SIPA1L1: variants seen among roughly 807,000 people sequenced by gnomAD.
The protein encoded by SIPA1L1 is signal-induced proliferation-associated 1-like protein 1.
In SIPA1L1, 26 loss-of-function variants were observed where a neutral mutation model predicts 162.7. The ratio of observed to expected loss-of-function variants is 0.16; its 90% confidence interval spans 0.12 to 0.22. The LOEUF is 0.22. Among genes scored for constraint, SIPA1L1 ranks in the 10% least tolerant of loss-of-function variants. The probability of loss-of-function intolerance (pLI) is 1.00; values close to 1 mark genes in which losing one functional copy is unlikely to be tolerated. For missense variants in SIPA1L1, 1,874 were observed against 2,241.0 expected (o/e 0.84, Z 3.31); for synonymous variants, 829 against 837.4 (o/e 0.99, Z 0.17).
chr14:71,624,196 C>G lies in SIPA1L1; in HGVS notation c.1778C>G (p.Pro593Arg). Residue 593 changes from proline (P) to arginine (R), a missense_variant, in exon 7 of 24, where the codon CCC becomes CGC. Pro to Arg is a moderately radical substitution (Grantham distance 103). This residue lies in a region of SIPA1L1 where 685 missense variants were observed against 828.0 expected (regional missense o/e 0.83). Transcript: ENST00000381232. ...VQCLRLAFNT[P>R]KVTEQLMKLD... is the part of the protein sequence containing the mutation. ...TGCCTGCGGTTGGCCTTCAACACAC[C>G]CAAGGTCACAGAGCAGCTCATGAAA... 6.2e-7 allele frequency: 1 copy of G among 1,613,976 alleles called. No homozygotes were observed. Among genetic ancestry groups the G allele is most frequent in the Non-Finnish European group, 8.5e-7 (1 of 1,179,892 alleles).
intron 2 of SIPA1L1, among the ~76,000 whole-genome samples, chr14:71,461,437 A>G (rs1402225099): frequency 1.3e-5 from 2 of 152,146 alleles, no homozygotes; most frequent in Admixed American, 1.3e-4. Context: ...GAGGCTGAGT[A>G]GTATCCACAG....
intron 8 of SIPA1L1, among the ~76,000 whole-genome samples, chr14:71,650,735 A>AT (rs925952355): frequency 1.3e-5 from 2 of 152,190 alleles, no homozygotes; most frequent in African/African-American, 4.8e-5. Context: ...AGGTGTGTGC[A>AT]TGGAGTGGGG....
intron 13 of SIPA1L1, among the ~76,000 whole-genome samples, chr14:71,694,585 A>G (rs1372437996): frequency 6.6e-6 from 1 of 152,160 alleles, no homozygotes; most frequent in African/African-American, 2.4e-5. Flanking sequence ...TTATTTCTTG[A>G]CTAAATTTAT....
At chr14:71,326,234 A>T in intron 2 of SIPA1L1, among the ~76,000 whole-genome samples, 1 of 140,924 alleles carries the variant, frequency 7.1e-6, no homozygotes. Flanking sequence ...TTTGAGATGG[A>T]GTCTCGCTGT....
At position 71,591,673 on chromosome 14, in the gene SIPA1L1, AAT is replaced by A. The variant is rs577542768; in HGVS notation, c.1498+2306_1498+2307del. The stretch of plus-strand genomic sequence containing the variant: ...TTTTATTATCATTAACACATATAAG[AAT>A]ATGTTTGCCAAACTCTTGTGAGACC... On this transcript the variant is annotated intron_variant, in intron 5 of 23. Transcript: ENST00000381232. Among the ~76,000 whole-genome samples, 130 of 152,344 alleles carry A rather than the reference AAT, an allele frequency of 8.5e-4. 1 individual carries two copies. In the South Asian group the frequency reaches 8.7e-3, roughly 10 times the overall value.
rs551831081 is a variant in SIPA1L1 at position 71,627,278 on chromosome 14, C to G, written c.1818+3042C>G. 2.0e-5 allele frequency among the ~76,000 whole-genome samples: 3 copies of G among 151,086 alleles called. No homozygotes were observed. In the South Asian group the frequency reaches 6.3e-4, roughly 32 times the overall value. On this transcript the variant is annotated intron_variant, in intron 7 of 23. Coordinates refer to ENST00000381232, the MANE Select transcript of SIPA1L1 (RefSeq NM_001386936.1). ...GGCTCAAGCAGTTCTTCCACCTCAG[C>G]TGGGATTACTGGGATGCACCACCAC...
chr14:71,517,272 C>A (rs2051833074), intron 3 of SIPA1L1, among the ~76,000 whole-genome samples: 1 of 151,890 alleles, frequency 6.6e-6, no homozygotes, highest in South Asian at 2.1e-4. Context: ...TTAAGTGATA[C>A]TGGCCCAGTC....
chr14:71,341,328 G>C (rs2035628853), intron 2 of SIPA1L1, among the ~76,000 whole-genome samples: 1 of 152,160 alleles, frequency 6.6e-6, no homozygotes, highest in South Asian at 2.1e-4. Flanking sequence ...ATTTTTTGGG[G>C]TGAAATGCTT....
chr14:71,372,740 T>G (rs1254897447), intron 2 of SIPA1L1, among the ~76,000 whole-genome samples: 5 of 152,152 alleles, frequency 3.3e-5, no homozygotes. Context: ...CACTTACTTT[T>G]AAACACAGAA....
At chr14:71,651,877 T>A (rs1342573808) in intron 8 of SIPA1L1, among the ~76,000 whole-genome samples, 1 of 152,204 alleles carries the variant, frequency 6.6e-6, no homozygotes, top group East Asian at 1.9e-4. Context: ...GTTTGTCCAA[T>A]TATCCCAACA....
chr14:71,731,300 C>A (rs2084753324), intron 20 of SIPA1L1, among the ~76,000 whole-genome samples: 1 of 152,194 alleles, frequency 6.6e-6, no homozygotes, highest in Non-Finnish European at 1.5e-5. Context: ...CCCTGCTCGC[C>A]CCAAGGATCA....
At chr14:71,343,254 A>G (rs1288307673) in intron 2 of SIPA1L1, among the ~76,000 whole-genome samples, 2 of 152,212 alleles carry the variant, frequency 1.3e-5, no homozygotes, top group Non-Finnish European at 2.9e-5. Flanking sequence ...TCCACCCACC[A>G]TCAATCCACA....
chr14:71,546,509 G>C (rs1008770934), intron 4 of SIPA1L1, among the ~76,000 whole-genome samples: 2 of 150,680 alleles, frequency 1.3e-5, no homozygotes, highest in African/African-American at 2.4e-5. Context: ...AGCCTCCTAA[G>C]TAGCTGGGAT....
intron 2 of SIPA1L1, among the ~76,000 whole-genome samples, chr14:71,432,987 A>G (rs1313158198): frequency 6.6e-6 from 1 of 152,220 alleles, no homozygotes; most frequent in African/African-American, 2.4e-5. Context: ...AAGGATTATA[A>G]GATCTTTTGC....
At chr14:71,322,628 CAATT>C (rs1326238903) in intron 2 of SIPA1L1, among the ~76,000 whole-genome samples, 1 of 152,184 alleles carries the variant, frequency 6.6e-6, no homozygotes, top group East Asian at 1.9e-4. Context: ...AAAGCATTAA[CAATT>C]AACAGTGCAT....
At chr14:71,370,854 A>G (rs2038822708) in intron 2 of SIPA1L1, among the ~76,000 whole-genome samples, 1 of 152,090 alleles carries the variant, frequency 6.6e-6, no homozygotes, top group Non-Finnish European at 1.5e-5. Context: ...TTTCTATGTT[A>G]TTTATATTTG....
chr14:71,429,100 G>A (rs1248504880), intron 2 of SIPA1L1, among the ~76,000 whole-genome samples: 2 of 152,142 alleles, frequency 1.3e-5, no homozygotes, highest in Non-Finnish European at 2.9e-5. Flanking sequence ...TTTTAATTTA[G>A]TAATAGTTGC....
chr14:71,373,306 G>A (rs1222485972), intron 2 of SIPA1L1, among the ~76,000 whole-genome samples: 4 of 136,092 alleles, frequency 2.9e-5, no homozygotes, highest in South Asian at 2.4e-4. Context: ...GCAAGACTCC[G>A]TCTCAAAAAA....
intron 2 of SIPA1L1, among the ~76,000 whole-genome samples, chr14:71,342,717 C>T (rs935505157): frequency 3.9e-5 from 6 of 152,008 alleles, no homozygotes; most frequent in Middle Eastern, 6.8e-3. Context: ...TCCAGTATAC[C>T]CACTTTAAAC....
Sources: allele counts gnomAD v4.1 joint callset (sites outside exome capture counted in the v4.1 genomes callset), GRCh38; gene constraint gnomAD v4.1.1; regional missense constraint gnomAD v4.1.1; transcripts MANE v1.5; gene names NCBI Gene and HGNC (gene_info 2026-07-23, HGNC 2026-07-21).